The following IFT140 variants were observed in gnomAD, a reference collection of about 807,000 sequenced individuals.
IFT140 encodes intraflagellar transport protein 140 homolog.
Under a neutral mutation model 164.6 loss-of-function variants are expected in IFT140, and 133 were observed. The observed-to-expected ratio is 0.81, with a 90% CI of 0.70 to 0.93. IFT140 has a LOEUF of 0.93. Among genes scored for constraint, IFT140 ranks in the 40% least tolerant of loss-of-function variants. IFT140 has a pLI of 0.00. For synonymous variants in IFT140, 860 were observed against 817.3 expected, an observed-to-expected ratio of 1.05 and a Z score of -0.89; for missense variants, 2,045 against 1,972.3, an observed-to-expected ratio of 1.04 and a Z score of -0.70.
Position 1,526,157 on chromosome 16 carries a change from G to C in IFT140, c.2578-80C>G, listed in dbSNP as rs561572140. 44 of 1,335,558 alleles carry C rather than the reference G, an allele frequency of 3.3e-5. No individual in the cohort carries two copies. The African/African-American group carries it at 5.5e-4, about 17-fold the overall frequency. 82.7% of individuals were successfully genotyped at this position (1,335,558 alleles called of 1,614,324 possible). On this transcript the variant is annotated intron_variant, in intron 20 of 30. Transcript: ENST00000426508. Reference sequence around the variant, plus strand: ...ACACACTGTTCCACGCCAGGCCACCGGTCACCGCACCTTCCCACACCGCCA... The same window carrying C: ...ACACACTGTTCCACGCCAGGCCACCCGTCACCGCACCTTCCCACACCGCCA...
At chr16:1,571,915 A>C (rs1306410773) in intron 13 of IFT140, among the ~76,000 whole-genome samples, 1 of 152,188 alleles carries the variant, frequency 6.6e-6, no homozygotes, top group African/African-American at 2.4e-5. Context: ...GAGAGGGCGA[A>C]TTCCATCCAC....
intron 3 of IFT140, among the ~76,000 whole-genome samples, chr16:1,603,196 T>C (rs1335537811): frequency 1.3e-5 from 2 of 152,124 alleles, no homozygotes; most frequent in Admixed American, 6.6e-5. Context: ...GGCTGCTGGA[T>C]GGCTGGCACG....
chr16:1,542,125 T>C (rs967940665), intron 19 of IFT140: 1 of 1,513,002 alleles, frequency 6.6e-7, no homozygotes, highest in Non-Finnish European at 8.9e-7. Flanking sequence ...CCCTGTGGCC[T>C]TCTGGTGCCA....
At chr16:1,548,922 G>C (rs941837147) in intron 19 of IFT140, among the ~76,000 whole-genome samples, 2 of 152,216 alleles carry the variant, frequency 1.3e-5, no homozygotes, top group African/African-American at 4.8e-5. Flanking sequence ...GGAACACACG[G>C]AAGGTTCCCT....
chr16:1,602,895 G>A (rs1345646391), intron 3 of IFT140, among the ~76,000 whole-genome samples: 1 of 152,058 alleles, frequency 6.6e-6, no homozygotes, highest in African/African-American at 2.4e-5. Context: ...AGCCCAGATC[G>A]CACCACTGCA....
intron 7 of IFT140, among the ~76,000 whole-genome samples, chr16:1,588,659 T>C (rs1596422872): frequency 6.6e-6 from 1 of 151,968 alleles, no homozygotes; most frequent in African/African-American, 2.4e-5. Context: ...CCACACGCTC[T>C]GGGCAGGCCT....
At chr16:1,516,293 T>C (rs2040341559) in intron 30 of IFT140, among the ~76,000 whole-genome samples, 1 of 152,130 alleles carries the variant, frequency 6.6e-6, no homozygotes, top group Non-Finnish European at 1.5e-5. Context: ...TATACTGTGT[T>C]TATAATACAT....
intron 19 of IFT140, chr16:1,532,881 G>T (rs1181665374): frequency 6.6e-6 from 1 of 152,354 alleles, no homozygotes; most frequent in Admixed American, 6.5e-5. Flanking sequence ...CTCACAAGGT[G>T]ACCTGCCTAG....
chr16:1,609,351 T>C (rs952442766), intron 2 of IFT140, among the ~76,000 whole-genome samples: 3 of 152,134 alleles, frequency 2.0e-5, no homozygotes, highest in African/African-American at 4.8e-5. Context: ...TTTTTCAAGG[T>C]TCCCCCCGGC....
chr16:1,547,814 G>A (rs748606698), intron 19 of IFT140, among the ~76,000 whole-genome samples: 1 of 152,174 alleles, frequency 6.6e-6, no homozygotes, highest in Non-Finnish European at 1.5e-5. Context: ...GGGATTACAG[G>A]CGTGAGTCAC....
intron 19 of IFT140, among the ~76,000 whole-genome samples, chr16:1,539,565 C>T (rs1425460556): frequency 6.6e-6 from 1 of 152,276 alleles, no homozygotes; most frequent in East Asian, 1.9e-4. Flanking sequence ...TGGCTCTCAG[C>T]CCCCGCGTCT....
chr16:1,522,990 G>T (rs1041301356), intron 26 of IFT140, among the ~76,000 whole-genome samples: 2 of 152,144 alleles, frequency 1.3e-5, no homozygotes, highest in Non-Finnish European at 2.9e-5. Context: ...GGAGGCTGAG[G>T]CAGGAGGATT....
In IFT140 at chr16:1,561,053, G is replaced by A. The variant is rs547865386; in HGVS notation, c.2199+932C>T. Reference sequence around the variant, plus strand: ...GAACCCCTGTGGGGCTCACAGGCCGGCGCCAGCTGGGACGTGAGTCTGAGC... The same window carrying A: ...GAACCCCTGTGGGGCTCACAGGCCGACGCCAGCTGGGACGTGAGTCTGAGC... On this transcript the variant is annotated intron_variant, in intron 18 of 30. Coordinates refer to ENST00000426508, the MANE Select transcript of IFT140 (RefSeq NM_014714.4). 2.8e-3 allele frequency among the ~76,000 whole-genome samples: 425 copies of A among 152,358 alleles called. 1 individual carries two copies. The highest frequency in any genetic ancestry group is 8.8e-3 in the African/African-American group (368 of 41,582).
intron 7 of IFT140, among the ~76,000 whole-genome samples, chr16:1,589,347 G>A (rs958862053): frequency 6.6e-6 from 1 of 152,156 alleles, no homozygotes; most frequent in Non-Finnish European, 1.5e-5. Flanking sequence ...GCAGCTTGGG[G>A]GTGGGCCCAG....
At chr16:1,548,667 A>T (rs2032377064) in intron 19 of IFT140, among the ~76,000 whole-genome samples, 1 of 152,062 alleles carries the variant, frequency 6.6e-6, no homozygotes, top group Admixed American at 6.5e-5. Flanking sequence ...GAAAACTCAA[A>T]GGTTTAGGGC....
chr16:1,562,988 C>A (rs894868638), intron 17 of IFT140, among the ~76,000 whole-genome samples: 1 of 152,090 alleles, frequency 6.6e-6, no homozygotes. Context: ...CCTTTCCTTG[C>A]TACCTGGTGT....
chr16:1,578,479 C>G (rs529376368), intron 13 of IFT140: 3 of 152,038 alleles, frequency 2.0e-5, no homozygotes, highest in African/African-American at 7.2e-5. Context: ...TATGTCCACT[C>G]AGACCTGTAG....
At chr16:1,568,090 G>C in intron 15 of IFT140, 127 bp downstream of exon 15, 1 of 685,602 alleles carries the variant, frequency 1.5e-6, no homozygotes, top group East Asian at 2.7e-5. Context: ...AAGGAGAGTG[G>C]GGCTGAACAG....
Position 1,520,277 on chromosome 16 carries a change from G to A in IFT140, c.3727C>T (p.Gln1243Ter), listed in dbSNP as rs2141144931. 1 of 1,614,216 alleles carries A rather than the reference G, an allele frequency of 6.2e-7. No homozygotes were observed. The highest frequency in any genetic ancestry group is 8.5e-7 in the Non-Finnish European group (1 of 1,180,042). The change falls in exon 28 of 31, where the codon CAG (glutamine) becomes TAG (stop). Residue 1243 changes from glutamine to a stop codon, truncating the protein, a stop_gained. Transcript: ENST00000426508. LOFTEE classifies it high-confidence loss of function. ...KITFFASVSR[Q>*]KEIYIMAANY... ...GCAGCCATGATGTAGATTTCCTTCTGCCTGGACACGCTCGCGAAGAACGTG... is the reference window on the plus strand; with the variant it reads ...GCAGCCATGATGTAGATTTCCTTCTACCTGGACACGCTCGCGAAGAACGTG...
Sources: gnomAD v4.1 joint callset for allele counts (sites outside exome capture counted in the v4.1 genomes callset) on GRCh38, gnomAD v4.1.1 for gene constraint, MANE v1.5 for transcripts, NCBI Gene and HGNC (gene_info 2026-07-23, HGNC 2026-07-21) for gene names.